PTPRK: variants seen among roughly 807,000 people sequenced by gnomAD.
The protein encoded by PTPRK is protein tyrosine phosphatase receptor type K.
In PTPRK, 75 loss-of-function variants were observed where a neutral mutation model predicts 178.0. The observed-to-expected ratio is 0.42, with a 90% CI of 0.35 to 0.51. The LOEUF is 0.51. Ranked by LOEUF, PTPRK falls within the 20% of genes least tolerant of loss-of-function variation. The pLI, the probability that PTPRK is intolerant of heterozygous loss-of-function variation, is 0.02. For synonymous variants in PTPRK, 637 were observed against 620.6 expected (o/e 1.03, Z -0.39); for missense variants, 1,441 against 1,797.8 (o/e 0.80, Z 3.59).
intron 7 of PTPRK, among the ~76,000 whole-genome samples, chr6:128,152,123 TA>T (rs922019077): frequency 2.0e-5 from 3 of 151,986 alleles, no homozygotes; most frequent in African/African-American, 7.2e-5. Context: ...GAGGACATTC[TA>T]AAAAATGTTT....
Position 128,017,802 on chromosome 6 carries a change from GTA to G in PTPRK, c.2195-8536_2195-8535del, listed in dbSNP as rs34836605. ...TACATATATAAATAAATATATATGT[GTA>G]TATATATATATATATATATATATAT... On this transcript the variant is annotated intron_variant, in intron 13 of 29. Transcript: ENST00000368226. Among the ~76,000 whole-genome samples, 585 of 101,252 alleles carry G rather than the reference GTA, an allele frequency of 5.8e-3. 5 individuals carry two copies. Among genetic ancestry groups the G allele is most frequent in the Middle Eastern group, 0.043 (7 of 164 alleles). The allele number at this position is 101,252 out of a possible 152,430, so 66.4% of individuals were successfully genotyped here. A position where few individuals can be genotyped will look rare whatever the true frequency, so the allele number is the denominator to read the frequency against.
intron 7 of PTPRK, among the ~76,000 whole-genome samples, chr6:128,091,660 G>A (rs2115028939): frequency 6.6e-6 from 1 of 152,228 alleles, no homozygotes; most frequent in Admixed American, 6.5e-5. Context: ...AGCAATGAGA[G>A]AAACACCACA....
chr6:128,493,280 T>C (rs369524398), intron 1 of PTPRK, among the ~76,000 whole-genome samples: 1 of 152,144 alleles, frequency 6.6e-6, no homozygotes. Context: ...CCCCGCTAAC[T>C]GGCTGGGCGC....
Position 128,507,133 on chromosome 6 carries a change from T to A in PTPRK, c.100+13126A>T, listed in dbSNP as rs189079349. Reference sequence around the variant, plus strand: ...TCCCACTCAAGCAGTCAAGTTCCAATGTCCGCACTCTTAAACACTATGCTC... The same window carrying A: ...TCCCACTCAAGCAGTCAAGTTCCAAAGTCCGCACTCTTAAACACTATGCTC... On this transcript the variant is annotated intron_variant, in intron 1 of 29. Coordinates refer to ENST00000368226, the MANE Select transcript of PTPRK (RefSeq NM_002844.4). Among the ~76,000 whole-genome samples the A allele has an allele frequency of 3.6e-3, 552 of 152,264 alleles. 10 individuals carry two copies. The highest frequency in any genetic ancestry group is 1.5e-3 in the East Asian group (8 of 5,194).
intron 3 of PTPRK, among the ~76,000 whole-genome samples, chr6:128,282,640 G>A (rs979783026): frequency 2.6e-5 from 4 of 152,136 alleles, no homozygotes; most frequent in Non-Finnish European, 5.9e-5. Flanking sequence ...ACAAATTTAT[G>A]TATTCAGTGT....
At chr6:128,275,088 T>A (rs1820507165) in intron 3 of PTPRK, among the ~76,000 whole-genome samples, 1 of 152,054 alleles carries the variant, frequency 6.6e-6, no homozygotes, top group Non-Finnish European at 1.5e-5. Context: ...TATACTTCAC[T>A]AGCACTGTAC....
At chr6:128,303,437 T>C (rs999173725) in intron 3 of PTPRK, among the ~76,000 whole-genome samples, 6 of 152,298 alleles carry the variant, frequency 3.9e-5, no homozygotes, top group East Asian at 1.9e-4. Flanking sequence ...AGGTGAGAAG[T>C]AAGACAGAGA....
intron 13 of PTPRK, among the ~76,000 whole-genome samples, chr6:128,041,605 A>T (rs1285532144): frequency 1.3e-5 from 2 of 152,050 alleles, no homozygotes; most frequent in African/African-American, 4.8e-5. Context: ...GTAGAGATTC[A>T]ATATAAAGGT....
chr6:128,283,150 G>A (rs1321493868), intron 3 of PTPRK, among the ~76,000 whole-genome samples: 1 of 152,078 alleles, frequency 6.6e-6, no homozygotes, highest in Admixed American at 6.6e-5. Flanking sequence ...ACTTGTGCTC[G>A]CCCCCAAGGC....
At chr6:128,045,313 C>A (rs756891973) in intron 13 of PTPRK, among the ~76,000 whole-genome samples, 11 of 151,800 alleles carry the variant, frequency 7.2e-5, no homozygotes, top group Non-Finnish European at 1.3e-4. Context: ...TATATCATTT[C>A]TTTCCTCTAT....
chr6:128,489,163 G>A (rs1043288641), intron 1 of PTPRK, among the ~76,000 whole-genome samples: 13 of 152,186 alleles, frequency 8.5e-5, no homozygotes, highest in Non-Finnish European at 2.9e-5. Flanking sequence ...CCACAGCAAC[G>A]AATATTAGTG....
chr6:128,519,715 G>A lies in PTPRK; in HGVS notation c.100+544C>T, dbSNP rs1028377131. On this transcript the variant is annotated intron_variant, in intron 1 of 29. Transcript: ENST00000368226. This position sits in a 1 kb window ranked among gnomAD's most constrained non-coding sequence, Gnocchi z 4.3. The stretch of plus-strand genomic sequence containing the variant: ...ACAGGGCAAGCCCGGGAGCAACCCA[G>A]AGCTGGGGGAGGAGAAAAGGGGACT... 2.0e-5 allele frequency among the ~76,000 whole-genome samples: 3 copies of A among 152,232 alleles called. No homozygotes were observed. The highest frequency in any genetic ancestry group is 3.9e-4 in the East Asian group (2 of 5,170).
At chr6:128,343,450 A>G (rs1584264845) in intron 2 of PTPRK, among the ~76,000 whole-genome samples, 1 of 151,408 alleles carries the variant, frequency 6.6e-6, no homozygotes, top group East Asian at 1.9e-4. Flanking sequence ...CAGTGAGCCA[A>G]GATCGCACCA....
chr6:128,432,923 T>C (rs1845024749), intron 1 of PTPRK, among the ~76,000 whole-genome samples: 1 of 152,218 alleles, frequency 6.6e-6, no homozygotes, highest in Admixed American at 6.5e-5. Context: ...TATTTTACCC[T>C]GATTTTAATA....
intron 1 of PTPRK, among the ~76,000 whole-genome samples, chr6:128,471,056 T>G (rs1484009889): frequency 6.6e-6 from 1 of 152,034 alleles, no homozygotes; most frequent in African/African-American, 2.4e-5. Context: ...TGATAATGCC[T>G]TCAATAAATA....
intron 1 of PTPRK, among the ~76,000 whole-genome samples, chr6:128,420,250 T>C (rs1448427624): frequency 1.3e-5 from 2 of 152,262 alleles, no homozygotes; most frequent in South Asian, 2.1e-4. Context: ...AAAATATAAA[T>C]TGTCTCAATG....
intron 5 of PTPRK, among the ~76,000 whole-genome samples, 162 bp from the exon 6 acceptor site, chr6:128,219,258 C>T (rs1167767060): frequency 7.0e-6 from 1 of 142,662 alleles, no homozygotes; most frequent in Non-Finnish European, 1.6e-5. Flanking sequence ...ATACTGGTAT[C>T]CTCGAAAGCA....
At chr6:128,298,474 A>G (rs1387991664) in intron 3 of PTPRK, among the ~76,000 whole-genome samples, 1 of 151,540 alleles carries the variant, frequency 6.6e-6, no homozygotes, top group Non-Finnish European at 1.5e-5. Flanking sequence ...TCCTCAATAA[A>G]ATACTGGCAA....
chr6:128,274,557 C>G (rs1433717865), intron 3 of PTPRK, among the ~76,000 whole-genome samples: 1 of 152,080 alleles, frequency 6.6e-6, no homozygotes, highest in East Asian at 1.9e-4. Flanking sequence ...TATATCACAG[C>G]TCCTTGAGCA....
Sources: allele counts gnomAD v4.1 joint callset (sites outside exome capture counted in the v4.1 genomes callset), GRCh38; gene constraint gnomAD v4.1.1; non-coding constraint Gnocchi (gnomAD v3.1); transcripts MANE v1.5; gene names NCBI Gene and HGNC (gene_info 2026-07-23, HGNC 2026-07-21).